The following ALDH9A1 variants were observed in gnomAD, a reference collection of about 807,000 sequenced individuals.
The protein encoded by ALDH9A1 is 4-trimethylaminobutyraldehyde dehydrogenase.
ALDH9A1 carries 42 observed loss-of-function variants against 56.6 expected under a neutral mutation model. The ratio of observed to expected loss-of-function variants is 0.74; its 90% CI spans 0.58 to 0.96. ALDH9A1 has a LOEUF of 0.96. Ranked by LOEUF, ALDH9A1 falls within the 40% of genes least tolerant of loss-of-function variation. The pLI, the probability that ALDH9A1 is intolerant of heterozygous loss-of-function variation, is 0.00. For synonymous variants in ALDH9A1, 242 were observed against 236.0 expected (o/e 1.03, Z -0.23); for missense variants, 661 against 651.5 (o/e 1.01, Z -0.16).
chr1:165,694,982 A>T (rs1650022603), intron 2 of ALDH9A1, among the ~76,000 whole-genome samples: 1 of 152,020 alleles, frequency 6.6e-6, no homozygotes, highest in Non-Finnish European at 1.5e-5. Flanking sequence ...AAAAATAAAA[A>T]AAGGACGATG....
rs1465066849 is a variant in ALDH9A1 at position 165,667,464 on chromosome 1, A to G, written c.1208-14T>C. On this transcript the variant is annotated splice_polypyrimidine_tract_variant and intron_variant, in intron 8 of 10. Transcript: ENST00000354775. ...CTCTGCAATTAGCTGCAAACATTAA[A>G]ATAAAACCTCCTGAGCAGCTGGGAC... 2 of 1,613,114 alleles carry G rather than the reference A, an allele frequency of 1.2e-6. No homozygotes were observed. The highest frequency in any genetic ancestry group is 1.7e-6 in the Non-Finnish European group (2 of 1,179,696).
At chr1:165,680,434 A>G in intron 5 of ALDH9A1, 53 bp downstream of exon 5, 1 of 1,584,088 alleles carries the variant, frequency 6.3e-7, no homozygotes, top group Non-Finnish European at 8.6e-7. Flanking sequence ...GTAGGACCGG[A>G]TTTGCCACAT....
intron 7 of ALDH9A1, 74 bp from the exon 8 acceptor site, chr1:165,669,087 T>C: frequency 1.4e-6 from 2 of 1,416,524 alleles, no homozygotes; most frequent in Non-Finnish European, 1.9e-6. Flanking sequence ...GTTAATTGTA[T>C]CCCGAACAAA....
chr1:165,684,554 T>G (rs1649650938), intron 2 of ALDH9A1, among the ~76,000 whole-genome samples: 1 of 152,220 alleles, frequency 6.6e-6, no homozygotes, highest in African/African-American at 2.4e-5. Context: ...TTAAGTTTGT[T>G]GAGTATAATT....
intron 2 of ALDH9A1, among the ~76,000 whole-genome samples, chr1:165,686,754 T>C (rs1240182962): frequency 6.6e-6 from 1 of 152,140 alleles, no homozygotes; most frequent in African/African-American, 2.4e-5. Context: ...TACAAGACTA[T>C]CCAGCACCCA....
chr1:165,663,223 C>G (rs1648900874), intron 10 of ALDH9A1, 79 bp from the exon 11 acceptor site: 2 of 1,166,134 alleles, frequency 1.7e-6, no homozygotes, highest in African/African-American at 3.0e-5. Flanking sequence ...AAGATGAGCA[C>G]TGCTAATCAG....
At position 165,680,657 on chromosome 1, in the gene ALDH9A1, G is replaced by A; in HGVS notation, c.619C>T (p.Pro207Ser). ...AGCAATGCAGAAACAGGTGTAAAGGGAGAAGGTTTAAAGACCATGGCATTA... is the reference window on the plus strand; with the variant it reads ...AGCAATGCAGAAACAGGTGTAAAGGAAGAAGGTTTAAAGACCATGGCATTA... The part of the protein sequence containing the change: ...CGNAMVFKPS[P>S]FTPVSALLLA... The change falls in exon 5 of 11, where the codon CCC becomes TCC. Residue 207 changes from proline (P) to serine (S), a missense_variant. Coordinates refer to ENST00000354775, the MANE Select transcript of ALDH9A1 (RefSeq NM_000696.4). The A allele has an allele frequency of 6.2e-7, 1 of 1,613,144 alleles. No individual in the cohort carries two copies. The highest frequency in any genetic ancestry group is 8.5e-7 in the Non-Finnish European group (1 of 1,179,674).
chr1:165,677,634 G>A lies in ALDH9A1; in HGVS notation c.930+1808C>T, dbSNP rs959651334. ...AGCACTTTGGGAGGCCAAGGCAGGT[G>A]TATCATGAGGTCAGGAGATCCAGAC... On this transcript the variant is annotated intron_variant, in intron 6 of 10. Coordinates refer to ENST00000354775, the MANE Select transcript of ALDH9A1 (RefSeq NM_000696.4). Among the ~76,000 whole-genome samples, 8 of 152,258 alleles carry A rather than the reference G, an allele frequency of 5.3e-5. 1 individual carries two copies. The highest frequency in any genetic ancestry group is 1.3e-4 in the Admixed American group (2 of 15,282).
chr1:165,670,583 C>T (rs1016513065), intron 6 of ALDH9A1, among the ~76,000 whole-genome samples: 3 of 151,880 alleles, frequency 2.0e-5, no homozygotes, highest in African/African-American at 7.3e-5. Context: ...ATGGCAAATA[C>T]CTTAAACTAA....
chr1:165,675,861 A>G (rs1361661884), intron 6 of ALDH9A1, among the ~76,000 whole-genome samples: 2 of 152,214 alleles, frequency 1.3e-5, no homozygotes, highest in African/African-American at 2.4e-5. Flanking sequence ...ACTGTAAAAA[A>G]ATTCTGAGCT....
At chr1:165,663,469 A>G (rs953158974) in intron 10 of ALDH9A1, among the ~76,000 whole-genome samples, 1 of 152,230 alleles carries the variant, frequency 6.6e-6, no homozygotes, top group Non-Finnish European at 1.5e-5. Context: ...CAATCTCTAC[A>G]ATAATCAACC....
At chr1:165,694,720 G>A (rs907806319) in intron 2 of ALDH9A1, among the ~76,000 whole-genome samples, 1 of 152,148 alleles carries the variant, frequency 6.6e-6, no homozygotes, top group African/African-American at 2.4e-5. Context: ...ATTTTGTGAG[G>A]CCGATGTGGG....
intron 6 of ALDH9A1, among the ~76,000 whole-genome samples, chr1:165,675,038 C>CA (rs1285630665): frequency 2.6e-5 from 4 of 151,816 alleles, no homozygotes; most frequent in Non-Finnish European, 2.9e-5. Flanking sequence ...ACTAAAAATA[C>CA]AAAAAAATTA....
At chr1:165,694,649 A>C (rs1650007263) in intron 2 of ALDH9A1, among the ~76,000 whole-genome samples, 1 of 152,176 alleles carries the variant, frequency 6.6e-6, no homozygotes, top group African/African-American at 2.4e-5. Flanking sequence ...GAAACAAGTA[A>C]ACCACATGGT....
chr1:165,687,754 G>A (rs1025318141), intron 2 of ALDH9A1, among the ~76,000 whole-genome samples: 4 of 152,128 alleles, frequency 2.6e-5, no homozygotes, highest in South Asian at 2.1e-4. Context: ...TTGGGAAGCC[G>A]AGGTGGGCGG....
At chr1:165,665,215 G>C (rs934246830) in intron 9 of ALDH9A1, 85 bp from the exon 10 acceptor site, 4 of 1,030,262 alleles carry the variant, frequency 3.9e-6, no homozygotes, top group Non-Finnish European at 5.8e-6. Flanking sequence ...CCAGTTCTAG[G>C]GTTCTCAAAT....
At chr1:165,680,708 T>C (rs1429144672) in intron 4 of ALDH9A1, 25 bp from the exon 5 acceptor site, 4 of 1,568,622 alleles carry the variant, frequency 2.6e-6, no homozygotes, top group Non-Finnish European at 3.5e-6. Context: ...GACACAAACA[T>C]AAAAAGACTT....
intron 6 of ALDH9A1, among the ~76,000 whole-genome samples, chr1:165,671,025 C>T (rs745441636): frequency 3.9e-5 from 6 of 152,184 alleles, no homozygotes; most frequent in Non-Finnish European, 5.9e-5. Flanking sequence ...GAGCCGAGAT[C>T]GTCCCATTGC....
At chr1:165,665,837 G>A (rs1208402365) in intron 9 of ALDH9A1, among the ~76,000 whole-genome samples, 1 of 152,096 alleles carries the variant, frequency 6.6e-6, no homozygotes, top group Non-Finnish European at 1.5e-5. Flanking sequence ...TGCGAATTTG[G>A]AAGAGTTTAG....
Sources: gnomAD v4.1 joint callset for allele counts (sites outside exome capture counted in the v4.1 genomes callset) on GRCh38, gnomAD v4.1.1 for gene constraint, MANE v1.5 for transcripts, NCBI Gene and HGNC (gene_info 2026-07-23, HGNC 2026-07-21) for gene names.